The following ZBTB38 variants were observed in gnomAD, a reference collection of about 807,000 sequenced individuals.
ZBTB38 encodes the protein zinc finger and BTB domain-containing protein 38.
A neutral mutation model predicts 76.8 loss-of-function variants in ZBTB38; 20 were observed. The observed-to-expected ratio is 0.26, with a 90% CI of 0.18 to 0.38. The LOEUF is 0.38. Among genes scored for constraint, ZBTB38 ranks in the 10% least tolerant of loss-of-function variants. ZBTB38 has a pLI of 1.00. For missense variants in ZBTB38, 1,082 were observed against 1,482.3 expected (o/e 0.73, Z 4.43); for synonymous variants, 504 against 544.2 (o/e 0.93, Z 1.03).
At position 141,413,888 on chromosome 3, in the gene ZBTB38, G is replaced by A. The variant is rs1349521599; in HGVS notation, c.-1+9857G>A. On this transcript the variant is annotated intron_variant, in intron 5 of 5. Transcript: ENST00000321464. This position sits in a 1 kb window ranked among gnomAD's most constrained non-coding sequence, Gnocchi z 4.1. ...GTAGAGAAATTTTCCCCATAGGAAT[G>A]GACAAACTAAAGGGATCCTTAAGAA... Among the ~76,000 whole-genome samples, 1 of 152,124 alleles carries A rather than the reference G, an allele frequency of 6.6e-6. No homozygotes were observed. Among genetic ancestry groups the A allele is most frequent in the Non-Finnish European group, 1.5e-5 (1 of 68,030 alleles).
At chr3:141,421,206 G>A (rs1386608131) in intron 5 of ZBTB38, among the ~76,000 whole-genome samples, 1 of 151,930 alleles carries the variant, frequency 6.6e-6, no homozygotes. Context: ...TAATAAGTGG[G>A]GTCCTAGCAT....
Position 141,443,729 on chromosome 3 carries a change from G to T in ZBTB38, c.1341G>T (p.Thr447=). The T allele has an allele frequency of 6.2e-7, 1 of 1,613,892 alleles. No homozygotes were observed. Among genetic ancestry groups the T allele is most frequent in the Non-Finnish European group, 8.5e-7 (1 of 1,180,028 alleles). ...FSSTGSTLPD[T]DHMVKFVNGQ... ...GTACCGGAAGTACTTTGCCAGACAC[G>T]GACCACATGGTTAAATTTGTTAATG... is the stretch of plus-strand genomic sequence containing the variant. The change falls in exon 6 of 6, where the codon ACG becomes ACT. Residue 447 remains threonine, a synonymous_variant. Transcript: ENST00000321464. The surrounding 1 kb of genome is among the most constrained non-coding windows in gnomAD (Gnocchi z 5.6).
intron 4 of ZBTB38, among the ~76,000 whole-genome samples, chr3:141,397,638 G>C (rs1950630526): frequency 6.6e-6 from 1 of 152,154 alleles, no homozygotes; most frequent in Non-Finnish European, 1.5e-5. Flanking sequence ...AACACTTAGA[G>C]GCCATTGTAA....
intron 5 of ZBTB38, chr3:141,432,294 C>T (rs1026766662): frequency 7.1e-6 from 7 of 984,204 alleles, no homozygotes; most frequent in African/African-American, 1.7e-5. Context: ...TTTATTTCTA[C>T]GTTTCTTTTT....
At chr3:141,368,902 C>T (rs1218408935) in intron 1 of ZBTB38, 98 bp downstream of exon 1, 1 of 151,300 alleles carries the variant, frequency 6.6e-6, no homozygotes, top group Non-Finnish European at 1.5e-5. Context: ...AAGCCCCAGC[C>T]CAGAGTTGGG....
intron 1 of ZBTB38, among the ~76,000 whole-genome samples, chr3:141,329,296 T>C (rs1383431763): frequency 6.6e-6 from 1 of 152,158 alleles, no homozygotes; most frequent in African/African-American, 2.4e-5. Flanking sequence ...TTCATGCCAT[T>C]CAACGAAAGG....
Position 141,444,054 on chromosome 3 carries a change from T to C in ZBTB38, c.1666T>C (p.Leu556=). 1 of 1,614,178 alleles carries C rather than the reference T, an allele frequency of 6.2e-7. No homozygotes were observed. The highest frequency in any genetic ancestry group is 1.7e-5 in the Admixed American group (1 of 60,026). Residue 556 remains leucine (L), a synonymous_variant, in exon 6 of 6, where the codon TTG becomes CTG. Transcript: ENST00000321464. This position sits in a 1 kb window ranked among gnomAD's most constrained non-coding sequence, Gnocchi z 5.1. ...SISKKTANGG[L]KPSVYPYKLY... ...CAGTAAAAAAACAGCAAATGGAGGC[T>C]TGAAGCCTAGTGTCTATCCGTATAA...
intron 4 of ZBTB38, among the ~76,000 whole-genome samples, chr3:141,392,126 G>C (rs1395286817): frequency 6.6e-6 from 1 of 152,196 alleles, no homozygotes; most frequent in Non-Finnish European, 1.5e-5. Context: ...TTACTTAGCT[G>C]ACTTTGCTTA....
chr3:141,329,964 A>G (rs1228154987), intron 1 of ZBTB38, among the ~76,000 whole-genome samples: 1 of 151,922 alleles, frequency 6.6e-6, no homozygotes, highest in Non-Finnish European at 1.5e-5. Flanking sequence ...CCTTGCCTCT[A>G]TAAAAAAATT....
intron 5 of ZBTB38, among the ~76,000 whole-genome samples, chr3:141,427,277 A>G (rs1017781434): frequency 5.9e-5 from 9 of 152,226 alleles, no homozygotes; most frequent in Non-Finnish European, 1.2e-4. Flanking sequence ...GTAAAGGCAC[A>G]GACTTGTCAA....
upstream of ZBTB38, among the ~76,000 whole-genome samples, chr3:141,365,461 CTCT>C (rs1943939079): frequency 6.6e-6 from 1 of 152,042 alleles, no homozygotes; most frequent in African/African-American, 2.4e-5. Flanking sequence ...GTCCCTCTTC[CTCT>C]TCTTATAAAG....
chr3:141,422,917 G>T (rs1159604869), intron 5 of ZBTB38, among the ~76,000 whole-genome samples: 1 of 152,030 alleles, frequency 6.6e-6, no homozygotes, highest in Admixed American at 6.5e-5. Context: ...CAAAAAATAG[G>T]TTTTTTTCAC....
intron 1 of ZBTB38, among the ~76,000 whole-genome samples, chr3:141,329,285 C>A (rs574771954): frequency 2.4e-4 from 37 of 152,322 alleles, no homozygotes; most frequent in African/African-American, 8.7e-4. Context: ...TCCTCCCATC[C>A]TTCATGCCAT....
intron 1 of ZBTB38, among the ~76,000 whole-genome samples, chr3:141,352,211 A>G (rs748031426): frequency 1.1e-4 from 17 of 152,126 alleles, no homozygotes; most frequent in Non-Finnish European, 1.6e-4. Context: ...AAAAGAAGCT[A>G]GAGTGGAGAG....
chr3:141,377,358 A>G (rs1405272711), intron 2 of ZBTB38, among the ~76,000 whole-genome samples: 1 of 152,256 alleles, frequency 6.6e-6, no homozygotes, highest in Admixed American at 6.5e-5. Context: ...TAAGCTCAGA[A>G]GGCCACAGAG....
At chr3:141,384,537 C>T (rs1946661695) in intron 3 of ZBTB38, among the ~76,000 whole-genome samples, 1 of 152,214 alleles carries the variant, frequency 6.6e-6, no homozygotes, top group South Asian at 2.1e-4. Context: ...CATTCAATGC[C>T]TAGGTGTTTG....
chr3:141,382,154 C>A (rs565169282), intron 3 of ZBTB38, among the ~76,000 whole-genome samples: 9 of 152,164 alleles, frequency 5.9e-5, no homozygotes, highest in Non-Finnish European at 7.3e-5. Flanking sequence ...ACTCAGGAGG[C>A]TGAGGCGGGA....
At chr3:141,441,058 AAAAG>A (rs1462959906) in intron 5 of ZBTB38, among the ~76,000 whole-genome samples, 4 of 151,808 alleles carry the variant, frequency 2.6e-5, no homozygotes, top group South Asian at 2.1e-4. Flanking sequence ...AAAGAAAAGA[AAAAG>A]AAAGAAAAGA....
chr3:141,403,848 A>T (rs1453934176), intron 4 of ZBTB38, 79 bp from the exon 5 acceptor site: 1 of 152,228 alleles, frequency 6.6e-6, no homozygotes, highest in African/African-American at 2.4e-5. Context: ...AATATGTGCT[A>T]ATTGCAGTTA....
Sources: gnomAD v4.1 joint callset for allele counts (sites outside exome capture counted in the v4.1 genomes callset) on GRCh38, gnomAD v4.1.1 for gene constraint, Gnocchi (gnomAD v3.1) non-coding constraint, MANE v1.5 for transcripts, NCBI Gene and HGNC (gene_info 2026-07-23, HGNC 2026-07-21) for gene names.